Variants in GARNL3 observed in about 807,000 individuals in gnomAD.
GARNL3 encodes the protein GTPase-activating Rap/Ran-GAP domain-like protein 3.
In GARNL3, 63 loss-of-function variants were observed where a neutral mutation model predicts 125.0. The observed-to-expected ratio is 0.50, with a 90% CI of 0.41 to 0.62. GARNL3 has a LOEUF of 0.62. Ranked by LOEUF, GARNL3 falls within the 20% of genes least tolerant of loss-of-function variation. The pLI, the probability that GARNL3 is intolerant of heterozygous loss-of-function variation, is 0.00. For synonymous variants in GARNL3, 439 were observed against 457.5 expected, an observed-to-expected ratio of 0.96 and a Z score of 0.52; for missense variants, 994 against 1,244.0, an observed-to-expected ratio of 0.80 and a Z score of 3.02.
chr9:127,285,997 T>A (rs2064240493), intron 1 of GARNL3, among the ~76,000 whole-genome samples: 1 of 126,496 alleles, frequency 7.9e-6, no homozygotes, highest in Admixed American at 9.3e-5. Context: ...TAGGAGAAGT[T>A]CCAGGCTCCT....
intron 7 of GARNL3, among the ~76,000 whole-genome samples, chr9:127,327,161 A>AC (rs2065599637): frequency 6.6e-6 from 1 of 152,350 alleles, no homozygotes; most frequent in African/African-American, 2.4e-5. Context: ...GATTCAACAC[A>AC]TACTTATTGA....
In GARNL3 at chr9:127,385,608, G is replaced by A. The variant is rs546122715; in HGVS notation, c.2388+463G>A. ...CACAGCTAGGGCAAAACGGAGGGAT[G>A]CAGGAACAAAGATGCCTTCCAAGAT... On this transcript the variant is annotated intron_variant, in intron 24 of 27. Coordinates refer to ENST00000373387, the MANE Select transcript of GARNL3 (RefSeq NM_032293.5). The surrounding 1 kb of genome is among the most constrained non-coding windows in gnomAD (Gnocchi z 4.1). Among the ~76,000 whole-genome samples, 2 of 152,314 alleles carry A rather than the reference G, an allele frequency of 1.3e-5. No individual in the cohort carries two copies. Among genetic ancestry groups the A allele is most frequent in the South Asian group, 2.1e-4 (1 of 4,832 alleles).
At chr9:127,247,240 G>A (rs1227154559) in intron 2 of GARNL3, among the ~76,000 whole-genome samples, 1 of 152,184 alleles carries the variant, frequency 6.6e-6, no homozygotes, top group African/African-American at 2.4e-5. Flanking sequence ...TTTCACTGTT[G>A]TGTACACTGA....
chr9:127,355,374 C>T lies in GARNL3; in HGVS notation c.1837C>T (p.Leu613=). 1 of 1,614,272 alleles carries T rather than the reference C, an allele frequency of 6.2e-7. No homozygotes were observed. Among genetic ancestry groups the T allele is most frequent in the African/African-American group, 1.3e-5 (1 of 75,078 alleles). Residue 613 remains leucine (L), a synonymous_variant, in exon 20 of 28, where the codon CTG becomes TTG. Coordinates refer to ENST00000373387, the MANE Select transcript of GARNL3 (RefSeq NM_032293.5). The part of the protein sequence containing the change: ...IVVAIRNKLL[L]ITRKHNKPSG... ...GGTTGCAATTCGGAATAAACTGCTT[C>T]TGATCACAAGAAAACACAACAAGCC...
chr9:127,379,918 A>C (rs142780773), intron 22 of GARNL3, among the ~76,000 whole-genome samples: 1,862 of 152,280 alleles, frequency 0.012, 42 homozygotes, highest in African/African-American at 0.043. Context: ...GGTGGCTCAC[A>C]CTTGTAATCC....
rs1832439444 is a variant in GARNL3 at position 127,384,526 on chromosome 9, C to G, written c.2270-501C>G. On this transcript the variant is annotated intron_variant, in intron 23 of 27. Coordinates refer to ENST00000373387, the MANE Select transcript of GARNL3 (RefSeq NM_032293.5). The surrounding 1 kb of genome is among the most constrained non-coding windows in gnomAD (Gnocchi z 4.0). ...TTGATGCCGAGGGACACTGCGAGGG[C>G]CAGTGAGGAATAAGATGCAGCCCCG... is the stretch of plus-strand genomic sequence containing the variant. 6.6e-6 allele frequency among the ~76,000 whole-genome samples: 1 copy of G among 152,148 alleles called. No individual in the cohort carries two copies. Among genetic ancestry groups the G allele is most frequent in the African/African-American group, 2.4e-5 (1 of 41,416 alleles).
At chr9:127,292,210 C>T (rs1335596653) in intron 2 of GARNL3, among the ~76,000 whole-genome samples, 1 of 152,212 alleles carries the variant, frequency 6.6e-6, no homozygotes, top group Non-Finnish European at 1.5e-5. Flanking sequence ...ATTTACCTGA[C>T]CCTTGCCATT....
intron 25 of GARNL3, among the ~76,000 whole-genome samples, chr9:127,388,014 CAT>C (rs1389094016): frequency 6.6e-6 from 1 of 151,950 alleles, no homozygotes; most frequent in Non-Finnish European, 1.5e-5. Flanking sequence ...GGCATGGTAA[CAT>C]GTGCCTGTAG....
intron 2 of GARNL3, among the ~76,000 whole-genome samples, chr9:127,295,879 C>T (rs1254446336): frequency 6.6e-6 from 1 of 152,018 alleles, no homozygotes; most frequent in Non-Finnish European, 1.5e-5. Flanking sequence ...CTTATTGTGC[C>T]CTTTACTTCT....
At chr9:127,390,540 A>G (rs922966066) in intron 26 of GARNL3, 101 bp from the exon 27 acceptor site, 5 of 1,012,976 alleles carry the variant, frequency 4.9e-6, no homozygotes, top group Non-Finnish European at 7.4e-6. Flanking sequence ...TGACTCTAGC[A>G]CAACAATGCA....
chr9:127,279,020 C>T (rs1372162857), intron 1 of GARNL3, among the ~76,000 whole-genome samples: 1 of 152,094 alleles, frequency 6.6e-6, no homozygotes, highest in African/African-American at 2.4e-5. Context: ...CTGCAAAGAC[C>T]CCATTTGCAA....
At chr9:127,350,336 G>T (rs908970505) in intron 17 of GARNL3, among the ~76,000 whole-genome samples, 15 of 152,236 alleles carry the variant, frequency 9.9e-5, no homozygotes, top group African/African-American at 3.6e-4. Flanking sequence ...AACAAAATGG[G>T]ATGATGATCA....
In GARNL3 at chr9:127,393,432, C is replaced by T. The variant is rs953478706; in HGVS notation, c.*178C>T. The stretch of plus-strand genomic sequence containing the variant: ...AATGTCCGGTGCCATCTTTCCTGAC[C>T]TTTGTTTCTTTCTGTTCAGGAACCA... On this transcript the variant is annotated 3_prime_UTR_variant, in exon 28 of 28. Coordinates refer to ENST00000373387, the MANE Select transcript of GARNL3 (RefSeq NM_032293.5). 126 of 467,520 alleles carry T rather than the reference C, an allele frequency of 2.7e-4. No homozygotes were observed. The highest frequency in any genetic ancestry group is 5.7e-4 in the Middle Eastern group (1 of 1,746). 29.0% of individuals were successfully genotyped at this position (467,520 alleles called of 1,614,324 possible).
intron 7 of GARNL3, among the ~76,000 whole-genome samples, chr9:127,330,528 G>A (rs894807912): frequency 3.9e-5 from 6 of 152,156 alleles, no homozygotes; most frequent in Non-Finnish European, 8.8e-5. Flanking sequence ...GGTCAACACT[G>A]GGGATTCAAT....
chr9:127,285,880 G>T (rs1289378978), intron 1 of GARNL3, among the ~76,000 whole-genome samples: 1 of 151,736 alleles, frequency 6.6e-6, no homozygotes, highest in Admixed American at 6.6e-5. Flanking sequence ...TTGCTTTATT[G>T]TATTTAATAT....
At chr9:127,375,465 C>G (rs1426644717) in intron 22 of GARNL3, among the ~76,000 whole-genome samples, 3 of 103,046 alleles carry the variant, frequency 2.9e-5, no homozygotes, top group Admixed American at 2.3e-4. Context: ...GACTCTGTCT[C>G]AGAAAAAAAA....
At chr9:127,247,494 C>T (rs1290075590) in intron 2 of GARNL3, among the ~76,000 whole-genome samples, 3 of 152,182 alleles carry the variant, frequency 2.0e-5, no homozygotes, top group African/African-American at 4.8e-5. Flanking sequence ...GCTTGCCAGC[C>T]TCCCTGTCTC....
intron 25 of GARNL3, 71 bp from the exon 26 acceptor site, chr9:127,388,833 G>A: frequency 1.1e-6 from 1 of 950,478 alleles, no homozygotes; most frequent in Non-Finnish European, 1.7e-6. Context: ...TAAGGAACAA[G>A]AAATTACTCT....
intron 1 of GARNL3, among the ~76,000 whole-genome samples, chr9:127,277,995 A>C (rs572128922): frequency 6.6e-6 from 1 of 152,314 alleles, no homozygotes; most frequent in South Asian, 2.1e-4. Flanking sequence ...GACATCCACA[A>C]ATCAGCTAGA....
Sources: gnomAD v4.1 joint callset for allele counts (sites outside exome capture counted in the v4.1 genomes callset) on GRCh38, gnomAD v4.1.1 for gene constraint, Gnocchi (gnomAD v3.1) non-coding constraint, MANE v1.5 for transcripts, NCBI Gene and HGNC (gene_info 2026-07-23, HGNC 2026-07-21) for gene names.